CCDC83: variants seen among roughly 807,000 people sequenced by gnomAD.
The protein encoded by CCDC83 is coiled-coil domain-containing protein 83.
Under a neutral mutation model 50.1 loss-of-function variants are expected in CCDC83, and 54 were observed. That is an observed-to-expected ratio of 1.08 (90% CI 0.87 to 1.35). The LOEUF is 1.35. Among genes scored for constraint, CCDC83 ranks in the 40% most tolerant of loss-of-function variants. The probability of loss-of-function intolerance (pLI) is 0.00; values close to 1 mark genes in which losing one functional copy is unlikely to be tolerated. For synonymous variants in CCDC83, 161 were observed against 153.3 expected, an observed-to-expected ratio of 1.05 and a Z score of -0.37; for missense variants, 518 against 473.9, an observed-to-expected ratio of 1.09 and a Z score of -0.86.
At chr11:85,883,928 A>C (rs1454903259) in intron 4 of CCDC83, among the ~76,000 whole-genome samples, 2 of 152,218 alleles carry the variant, frequency 1.3e-5, no homozygotes, top group Non-Finnish European at 2.9e-5. Flanking sequence ...AAGTCTCTTC[A>C]TTGGCAATAG....
intron 5 of CCDC83, 41 bp from the exon 6 acceptor site, chr11:85,895,252 G>C (rs2135079195): frequency 2.0e-6 from 2 of 1,017,922 alleles, no homozygotes; most frequent in Middle Eastern, 3.1e-4. Context: ...GCTTGATAAG[G>C]CTTTTAATTT....
intron 7 of CCDC83, among the ~76,000 whole-genome samples, chr11:85,905,809 A>G (rs1425861266): frequency 1.3e-5 from 2 of 150,678 alleles, no homozygotes; most frequent in Admixed American, 1.3e-4. Flanking sequence ...CTCTATTAAA[A>G]ACACAAAAAA....
intron 7 of CCDC83, among the ~76,000 whole-genome samples, chr11:85,906,662 T>C (rs1303179308): frequency 6.6e-6 from 1 of 152,192 alleles, no homozygotes; most frequent in African/African-American, 2.4e-5. Flanking sequence ...GAGGATTGCT[T>C]GAGCCTAGGA....
chr11:85,903,891 C>T (rs2093413437), intron 7 of CCDC83, among the ~76,000 whole-genome samples: 1 of 152,064 alleles, frequency 6.6e-6, no homozygotes, highest in African/African-American at 2.4e-5. Flanking sequence ...CACTTGAGCC[C>T]AGGAGGCGGA....
intron 2 of CCDC83, among the ~76,000 whole-genome samples, chr11:85,869,165 T>C (rs755627367): frequency 5.9e-5 from 9 of 152,268 alleles, no homozygotes; most frequent in Non-Finnish European, 8.8e-5. Flanking sequence ...TGAGTATAAA[T>C]TGTTCAAATA....
At chr11:85,905,500 C>T (rs1000688535) in intron 7 of CCDC83, among the ~76,000 whole-genome samples, 19 of 148,494 alleles carry the variant, frequency 1.3e-4, no homozygotes, top group Non-Finnish European at 2.2e-4. Flanking sequence ...ATCCCAGCTA[C>T]ATGGGAGGCT....
Position 85,911,401 on chromosome 11 carries a change from A to G in CCDC83, c.793A>G (p.Arg265Gly), listed in dbSNP as rs541207034. 144 of 1,584,678 alleles carry G rather than the reference A, an allele frequency of 9.1e-5. 4 individuals are homozygous for G. In the South Asian group the frequency reaches 1.7e-3, roughly 19 times the overall value. ...NCRLVDLKIP[R>G]RLYLTQAAGL... ...TAGACTTGTGGATCTCAAGATACCC[A>G]GGTGAAAATTGTTAATATATAGAGA... The change falls in exon 8 of 11, where the codon AGG becomes GGG. Residue 265 changes from arginine (R) to glycine (G), a missense_variant and splice_region_variant. Physicochemically the swap from Arg to Gly is moderately radical, Grantham distance 125. Coordinates refer to ENST00000342404, the MANE Select transcript of CCDC83 (RefSeq NM_001286159.2).
At chr11:85,915,307 G>T in intron 8 of CCDC83, 112 bp from the exon 9 acceptor site, 1 of 736,228 alleles carries the variant, frequency 1.4e-6, no homozygotes, top group Non-Finnish European at 2.3e-6. Context: ...TAGAAATTAT[G>T]TCTCATTTTT....
Position 85,895,296 on chromosome 11 carries a change from ACTAT to A in CCDC83, c.516_519del (p.His172GlnfsTer12). ...TTTTTTTTTTTTTTTTTTAAAGAACACTATAAAATCACTCTGGAAGATACTAGAA... is the reference window on the plus strand; with the variant it reads ...TTTTTTTTTTTTTTTTTTAAAGAACAAAAATCACTCTGGAAGATACTAGAA... On this transcript the variant is annotated frameshift_variant, in exon 6 of 11. Transcript: ENST00000342404. LOFTEE classifies it high-confidence loss of function. The A allele has an allele frequency of 6.2e-6, 6 of 975,578 alleles. No individual in the cohort carries two copies. The highest frequency in any genetic ancestry group is 1.8e-5 in the South Asian group (1 of 56,364). 60.4% of individuals were successfully genotyped at this position (975,578 alleles called of 1,614,324 possible).
chr11:85,872,463 C>T (rs548711532), intron 2 of CCDC83, among the ~76,000 whole-genome samples: 9 of 152,048 alleles, frequency 5.9e-5, no homozygotes, highest in African/African-American at 1.4e-4. Context: ...CCAGCCTGGG[C>T]GACAGAGCGA....
intron 1 of CCDC83, among the ~76,000 whole-genome samples, chr11:85,857,399 C>G (rs916865438): frequency 1.3e-4 from 20 of 152,184 alleles, no homozygotes; most frequent in Non-Finnish European, 5.9e-5. Context: ...AAGGGCGAAA[C>G]AGAGGAGGAG....
intron 1 of CCDC83, among the ~76,000 whole-genome samples, chr11:85,862,922 T>C (rs1256419304): frequency 6.6e-6 from 1 of 152,258 alleles, no homozygotes. Flanking sequence ...ATAAAGCATT[T>C]GTGCTTTAAT....
At chr11:85,899,832 T>C (rs1042323565) in intron 7 of CCDC83, among the ~76,000 whole-genome samples, 4 of 152,198 alleles carry the variant, frequency 2.6e-5, no homozygotes, top group African/African-American at 9.7e-5. Context: ...GCTTAGATCA[T>C]AGGTTAAAAC....
chr11:85,862,605 T>A lies in CCDC83; in HGVS notation c.-28-2491T>A, dbSNP rs150902329. On this transcript the variant is annotated intron_variant, in intron 1 of 10. Transcript: ENST00000342404. ...ATAGATGTTTGTAGTTACTGACAGA[T>A]TCGACGTCTATTTGTCAGATATTCT... Among the ~76,000 whole-genome samples, 549 of 152,316 alleles carry A rather than the reference T, an allele frequency of 3.6e-3. 5 individuals are homozygous for A. The highest frequency in any genetic ancestry group is 0.013 in the African/African-American group (539 of 41,570).
chr11:85,901,483 G>A (rs924864346), intron 7 of CCDC83, among the ~76,000 whole-genome samples: 9 of 152,076 alleles, frequency 5.9e-5, no homozygotes, highest in African/African-American at 2.2e-4. Flanking sequence ...TGAAGTGGGA[G>A]AACTGCTTCA....
chr11:85,880,122 C>T (rs1035339518), intron 3 of CCDC83, among the ~76,000 whole-genome samples: 40 of 152,154 alleles, frequency 2.6e-4, no homozygotes, highest in Admixed American at 2.4e-3. Context: ...TTAGAATTAT[C>T]TTGTATATAT....
chr11:85,879,312 G>A (rs752573966), intron 3 of CCDC83, among the ~76,000 whole-genome samples: 6 of 152,052 alleles, frequency 3.9e-5, no homozygotes, highest in Non-Finnish European at 8.8e-5. Context: ...TGTATAAGGT[G>A]TGAGGCTTAG....
At chr11:85,858,389 C>T (rs987955175) in intron 1 of CCDC83, among the ~76,000 whole-genome samples, 4 of 152,218 alleles carry the variant, frequency 2.6e-5, no homozygotes, top group Non-Finnish European at 5.9e-5. Context: ...GAAAGCCAGA[C>T]CTGCCCTTCG....
chr11:85,910,105 CCTG>C (rs2093446468), intron 7 of CCDC83, among the ~76,000 whole-genome samples: 2 of 152,100 alleles, frequency 1.3e-5, no homozygotes, highest in Non-Finnish European at 2.9e-5. Flanking sequence ...CCAGGGAGTC[CCTG>C]CTTAGTTTTC....
Sources: gnomAD v4.1 joint callset for allele counts (sites outside exome capture counted in the v4.1 genomes callset) on GRCh38, gnomAD v4.1.1 for gene constraint, MANE v1.5 for transcripts, NCBI Gene and HGNC (gene_info 2026-07-23, HGNC 2026-07-21) for gene names.